The following PCCA variants were observed in gnomAD, a reference collection of about 807,000 sequenced individuals.
The protein encoded by PCCA is propionyl-CoA carboxylase subunit alpha.
In PCCA, 74 loss-of-function variants were observed where a neutral mutation model predicts 101.3. That is an observed-to-expected ratio of 0.73 (90% CI 0.61 to 0.89). PCCA has a LOEUF of 0.89. Among genes scored for constraint, PCCA ranks in the 40% least tolerant of loss-of-function variants. The probability of loss-of-function intolerance (pLI) is 0.00; values close to 1 mark genes in which losing one functional copy is unlikely to be tolerated. For missense variants in PCCA, 891 were observed against 907.0 expected, an observed-to-expected ratio of 0.98 and a Z score of 0.23; for synonymous variants, 294 against 313.6, an observed-to-expected ratio of 0.94 and a Z score of 0.66.
At chr13:100,196,240 C>A (rs754960223) in intron 6 of PCCA, among the ~76,000 whole-genome samples, 5 of 151,966 alleles carry the variant, frequency 3.3e-5, no homozygotes, top group Non-Finnish European at 7.4e-5. Flanking sequence ...TGGTCAGAAA[C>A]CCGAAACATT....
At chr13:100,157,906 A>G (rs1209486625) in intron 6 of PCCA, among the ~76,000 whole-genome samples, 1 of 152,246 alleles carries the variant, frequency 6.6e-6, no homozygotes, top group Non-Finnish European at 1.5e-5. Context: ...TATTAGATCA[A>G]TTATGCCAGG....
chr13:100,490,608 T>C (rs1475798729), intron 21 of PCCA: 1 of 152,216 alleles, frequency 6.6e-6, no homozygotes, highest in African/African-American at 2.4e-5. Flanking sequence ...CATTCACCTC[T>C]TGAGCTGCAG....
rs144914691 is a variant in PCCA, at chr13:100,327,916, C to T, written c.1430-2645C>T. ...GTTCTTTATATGTTGGTAGATACAA[C>T]TCCCTTGTTCAATATATGTATTGTG... On this transcript the variant is annotated intron_variant, in intron 16 of 23. Coordinates refer to ENST00000376285, the MANE Select transcript of PCCA (RefSeq NM_000282.4). 7.1e-4 allele frequency among the ~76,000 whole-genome samples: 108 copies of T among 152,240 alleles called. No individual in the cohort carries two copies. The Middle Eastern group carries it at 0.01, about 14-fold the overall frequency.
intron 17 of PCCA, 129 bp downstream of exon 17, chr13:100,330,800 C>G (rs991299416): frequency 1.5e-6 from 1 of 659,560 alleles, no homozygotes; most frequent in Non-Finnish European, 2.7e-6. Context: ...TTAGAACATG[C>G]AAGACTGTTT....
intron 4 of PCCA, among the ~76,000 whole-genome samples, chr13:100,142,679 G>A (rs1353202484): frequency 6.6e-6 from 1 of 151,996 alleles, no homozygotes; most frequent in East Asian, 1.9e-4. Flanking sequence ...TTGCCATGTT[G>A]GCCAGGCTGG....
At chr13:100,292,524 A>AT (rs2065205898) in intron 12 of PCCA, among the ~76,000 whole-genome samples, 1 of 152,212 alleles carries the variant, frequency 6.6e-6, no homozygotes, top group Non-Finnish European at 1.5e-5. Context: ...GCTAACTGTG[A>AT]GTATCTTATC....
At chr13:100,097,703 G>A (rs893304943) in intron 1 of PCCA, among the ~76,000 whole-genome samples, 9 of 152,182 alleles carry the variant, frequency 5.9e-5, no homozygotes, top group African/African-American at 1.9e-4. Flanking sequence ...TGGCGACAGA[G>A]TGAGACTCCG....
intron 21 of PCCA, among the ~76,000 whole-genome samples, chr13:100,507,097 T>C (rs371311335): frequency 2.0e-5 from 3 of 152,214 alleles, no homozygotes; most frequent in East Asian, 1.9e-4. Flanking sequence ...TTCAAAGATC[T>C]ATAATATTTT....
At chr13:100,310,592 G>C (rs1043439995) in intron 16 of PCCA, among the ~76,000 whole-genome samples, 1 of 152,130 alleles carries the variant, frequency 6.6e-6, no homozygotes, top group South Asian at 2.1e-4. Context: ...GTCCCAACTA[G>C]AAGTTATTTA....
intron 1 of PCCA, among the ~76,000 whole-genome samples, 179 bp from the exon 2 acceptor site, chr13:100,102,704 C>T (rs1162414807): frequency 6.6e-6 from 1 of 152,112 alleles, no homozygotes; most frequent in African/African-American, 2.4e-5. Flanking sequence ...TCTTACATAC[C>T]AAGGGGCTGT....
chr13:100,392,996 C>T (rs1410408340), intron 19 of PCCA, among the ~76,000 whole-genome samples: 2 of 148,936 alleles, frequency 1.3e-5, no homozygotes, highest in Non-Finnish European at 2.9e-5. Flanking sequence ...GGCCTCCTGA[C>T]GGCTCCTGCT....
intron 18 of PCCA, among the ~76,000 whole-genome samples, chr13:100,365,181 TTGAA>T (rs2075044268): frequency 6.6e-6 from 1 of 152,216 alleles, no homozygotes; most frequent in South Asian, 2.1e-4. Flanking sequence ...TTCAAACAGA[TTGAA>T]TAAGTTCTCA....
At chr13:100,338,009 A>G (rs998854936) in intron 17 of PCCA, among the ~76,000 whole-genome samples, 1 of 152,124 alleles carries the variant, frequency 6.6e-6, no homozygotes, top group South Asian at 2.1e-4. Flanking sequence ...GTTTCTTTAC[A>G]CAGTTTGATA....
At chr13:100,153,273 C>T (rs142788726) in intron 4 of PCCA, among the ~76,000 whole-genome samples, 1 of 152,252 alleles carries the variant, frequency 6.6e-6, no homozygotes, top group African/African-American at 2.4e-5. Context: ...GAAATTGTAA[C>T]TGTGCAAAGC....
chr13:100,380,775 C>T (rs1165678999), intron 19 of PCCA, among the ~76,000 whole-genome samples: 1 of 152,076 alleles, frequency 6.6e-6, no homozygotes, highest in Admixed American at 6.5e-5. Context: ...ATGTTTGCTT[C>T]AAAGGACACT....
rs540820066 is a variant in PCCA, at chr13:100,282,528, C to T, written c.1065+9182C>T. 2.6e-5 allele frequency among the ~76,000 whole-genome samples: 4 copies of T among 152,320 alleles called. No individual in the cohort carries two copies. In the East Asian group the frequency reaches 7.7e-4, roughly 29 times the overall value. On this transcript the variant is annotated intron_variant, in intron 12 of 23. Coordinates refer to ENST00000376285, the MANE Select transcript of PCCA (RefSeq NM_000282.4). ...CCAGGTGGGCGTGGGCTTGGCGGGC[C>T]CCACACTCAGAGCAGCCGGGCAATG...
At chr13:100,494,784 A>G (rs891391264) in intron 21 of PCCA, among the ~76,000 whole-genome samples, 2 of 152,108 alleles carry the variant, frequency 1.3e-5, no homozygotes, top group African/African-American at 2.4e-5. Flanking sequence ...GCTTCCTAAC[A>G]GTCCTGTGGC....
chr13:100,415,600 T>C (rs975161393), intron 19 of PCCA, among the ~76,000 whole-genome samples: 2 of 152,184 alleles, frequency 1.3e-5, no homozygotes, highest in African/African-American at 4.8e-5. Flanking sequence ...AAGCAAGATA[T>C]ATGATCAAAG....
At chr13:100,327,359 G>T (rs113746352) in intron 16 of PCCA, among the ~76,000 whole-genome samples, 1 of 152,072 alleles carries the variant, frequency 6.6e-6, no homozygotes, top group African/African-American at 2.4e-5. Context: ...TTTTAACTCA[G>T]CATAATTATT....
Sources: gnomAD v4.1 joint callset for allele counts (sites outside exome capture counted in the v4.1 genomes callset) on GRCh38, gnomAD v4.1.1 for gene constraint, MANE v1.5 for transcripts, NCBI Gene and HGNC (gene_info 2026-07-23, HGNC 2026-07-21) for gene names.